The following FAM171A1 variants were observed in gnomAD, a reference collection of about 807,000 sequenced individuals.
The protein encoded by FAM171A1 is family with sequence similarity 171 member A1.
Under a neutral mutation model 74.9 loss-of-function variants are expected in FAM171A1, and 23 were observed. That is an observed-to-expected ratio of 0.31 (90% confidence interval 0.22 to 0.44). FAM171A1 has a LOEUF of 0.44. Among genes scored for constraint, FAM171A1 ranks in the 20% least tolerant of loss-of-function variants. The probability of loss-of-function intolerance (pLI) is 1.00; values close to 1 mark genes in which losing one functional copy is unlikely to be tolerated. For synonymous variants in FAM171A1, 527 were observed against 505.7 expected (o/e 1.04, Z -0.57); for missense variants, 1,162 against 1,159.2 (o/e 1.00, Z -0.03).
At chr10:15,229,637 C>T (rs1484051312) in intron 5 of FAM171A1, among the ~76,000 whole-genome samples, 1 of 108,724 alleles carries the variant, frequency 9.2e-6, no homozygotes, top group Admixed American at 8.9e-5. Context: ...CCATCACCAT[C>T]ATCACCATCA....
At chr10:15,302,378 T>C (rs1257067587) in intron 1 of FAM171A1, among the ~76,000 whole-genome samples, 1 of 152,002 alleles carries the variant, frequency 6.6e-6, no homozygotes, top group Non-Finnish European at 1.5e-5. Context: ...GGCAGCAGAA[T>C]TGCTTGAACA....
chr10:15,369,352 G>T (rs1404593671), intron 1 of FAM171A1, among the ~76,000 whole-genome samples: 1 of 152,018 alleles, frequency 6.6e-6, no homozygotes, highest in Non-Finnish European at 1.5e-5. Flanking sequence ...CGGCCTCGCT[G>T]AAGTGCAAAT....
intron 1 of FAM171A1, among the ~76,000 whole-genome samples, chr10:15,317,673 G>A (rs1235097071): frequency 6.6e-6 from 1 of 152,304 alleles, no homozygotes; most frequent in African/African-American, 2.4e-5. Context: ...GATTACAGGC[G>A]TGAGCCACCA....
chr10:15,235,647 T>C (rs1008761086), intron 5 of FAM171A1, among the ~76,000 whole-genome samples: 1 of 152,198 alleles, frequency 6.6e-6, no homozygotes, highest in African/African-American at 2.4e-5. Flanking sequence ...AACAGTGTGT[T>C]CATAAATGCA....
intron 5 of FAM171A1, among the ~76,000 whole-genome samples, chr10:15,239,036 C>T (rs903416449): frequency 6.6e-6 from 1 of 152,190 alleles, no homozygotes; most frequent in Non-Finnish European, 1.5e-5. Flanking sequence ...TTGCCTGTGA[C>T]CATTCCCCAG....
At chr10:15,280,025 T>C (rs943664695) in intron 2 of FAM171A1, among the ~76,000 whole-genome samples, 7 of 151,608 alleles carry the variant, frequency 4.6e-5, no homozygotes, top group Non-Finnish European at 8.8e-5. Context: ...AGGTGGAGGG[T>C]GTAGTGAGCT....
intron 1 of FAM171A1, among the ~76,000 whole-genome samples, chr10:15,305,244 T>C (rs539966909): frequency 3.3e-5 from 5 of 152,346 alleles, no homozygotes; most frequent in African/African-American, 1.2e-4. Flanking sequence ...GCTGCATGAA[T>C]AAACAGTAAA....
chr10:15,334,027 G>T (rs1835671905), intron 1 of FAM171A1, among the ~76,000 whole-genome samples: 1 of 152,164 alleles, frequency 6.6e-6, no homozygotes, highest in Admixed American at 6.5e-5. Context: ...CTTCCCTTGG[G>T]GAGTGCCTCC....
chr10:15,312,669 G>A (rs566163542), intron 1 of FAM171A1, among the ~76,000 whole-genome samples: 37 of 75,702 alleles, frequency 4.9e-4, no homozygotes, highest in Non-Finnish European at 6.4e-4. Context: ...GTTCAGCACT[G>A]TGTGTTTTTT....
intron 1 of FAM171A1, among the ~76,000 whole-genome samples, chr10:15,332,076 G>A (rs1256742835): frequency 6.6e-6 from 1 of 151,314 alleles, no homozygotes; most frequent in Non-Finnish European, 1.5e-5. Flanking sequence ...CAGCCTCCCA[G>A]GTAGTAGCTG....
At chr10:15,334,065 A>G (rs1353556604) in intron 1 of FAM171A1, among the ~76,000 whole-genome samples, 1 of 152,104 alleles carries the variant, frequency 6.6e-6, no homozygotes, top group African/African-American at 2.4e-5. Flanking sequence ...CTGACTCTCC[A>G]GCGTATTCCC....
chr10:15,363,383 G>A (rs1836019593), intron 1 of FAM171A1, among the ~76,000 whole-genome samples: 1 of 152,140 alleles, frequency 6.6e-6, no homozygotes, highest in Non-Finnish European at 1.5e-5. Context: ...CTTTAGCAAG[G>A]ACCCAAGAGG....
chr10:15,346,299 T>C (rs1360141702), intron 1 of FAM171A1, among the ~76,000 whole-genome samples: 4 of 152,188 alleles, frequency 2.6e-5, no homozygotes, highest in South Asian at 4.1e-4. Context: ...AGTCTTCCTA[T>C]GTTGCCCAGG....
At chr10:15,217,938 A>G (rs891659116) in intron 6 of FAM171A1, among the ~76,000 whole-genome samples, 1 of 151,948 alleles carries the variant, frequency 6.6e-6, no homozygotes, top group Admixed American at 6.6e-5. Context: ...GCCCAGAGAA[A>G]CAATTTTTTC....
In FAM171A1 at chr10:15,316,413, T is replaced by A. The variant is rs544793653; in HGVS notation, c.98-32308A>T. On this transcript the variant is annotated intron_variant, in intron 1 of 7. Coordinates refer to ENST00000378116, the MANE Select transcript of FAM171A1 (RefSeq NM_001010924.2). ...TTCTGGGGCGTCCCGCAAGGTAAAGTCAACAACTGTCAGGTGACGGGCTTC... is the reference window on the plus strand; with the variant it reads ...TTCTGGGGCGTCCCGCAAGGTAAAGACAACAACTGTCAGGTGACGGGCTTC... Among the ~76,000 whole-genome samples, 17 of 152,280 alleles carry A rather than the reference T, an allele frequency of 1.1e-4. No individual in the cohort carries two copies. In the East Asian group the frequency reaches 3.1e-3, roughly 28 times the overall value.
intron 2 of FAM171A1, among the ~76,000 whole-genome samples, chr10:15,282,342 A>G (rs1280614340): frequency 1.3e-5 from 2 of 152,238 alleles, no homozygotes; most frequent in Admixed American, 6.6e-5. Flanking sequence ...TTGTTCGGGC[A>G]TGAGTTATGG....
At chr10:15,299,842 G>A (rs1232947017) in intron 1 of FAM171A1, among the ~76,000 whole-genome samples, 2 of 152,102 alleles carry the variant, frequency 1.3e-5, no homozygotes, top group Admixed American at 6.6e-5. Context: ...GACGGGCGTG[G>A]TGGTGGGTGC....
intron 1 of FAM171A1, among the ~76,000 whole-genome samples, chr10:15,323,859 T>C (rs1424701392): frequency 6.6e-6 from 1 of 151,202 alleles, no homozygotes; most frequent in African/African-American, 2.4e-5. Context: ...AAAAAAAAAA[T>C]CCTTAAACAC....
At chr10:15,261,562 C>T (rs1267957550) in intron 3 of FAM171A1, among the ~76,000 whole-genome samples, 1 of 152,094 alleles carries the variant, frequency 6.6e-6, no homozygotes, top group Non-Finnish European at 1.5e-5. Context: ...GTTTTAAGTG[C>T]TAGAATAAGA....
Sources: gnomAD v4.1 joint callset for allele counts (sites outside exome capture counted in the v4.1 genomes callset) on GRCh38, gnomAD v4.1.1 for gene constraint, MANE v1.5 for transcripts, NCBI Gene and HGNC (gene_info 2026-07-23, HGNC 2026-07-21) for gene names.